The following GRM1 variants were observed in gnomAD, a reference collection of about 807,000 sequenced individuals.
GRM1 encodes the protein metabotropic glutamate receptor 1.
A neutral mutation model predicts 90.9 loss-of-function variants in GRM1; 33 were observed. The observed-to-expected ratio is 0.36, with a 90% CI of 0.28 to 0.49. GRM1 has a LOEUF of 0.49. GRM1 is among the 20% of genes least tolerant of loss of function. The probability of loss-of-function intolerance (pLI) is 0.99; values close to 1 mark genes in which losing one functional copy is unlikely to be tolerated. For synonymous variants in GRM1, 700 were observed against 613.2 expected (o/e 1.14, Z -2.09); for missense variants, 1,190 against 1,534.3 (o/e 0.78, Z 3.75).
chr6:146,347,640 A>T (rs1323954673), intron 3 of GRM1, among the ~76,000 whole-genome samples: 4 of 152,210 alleles, frequency 2.6e-5, no homozygotes, highest in Non-Finnish European at 5.9e-5. Flanking sequence ...GATAAAAAAA[A>T]TTGCTGGGAT....
intron 1 of GRM1, among the ~76,000 whole-genome samples, chr6:146,054,879 C>T (rs1351226016): frequency 6.6e-6 from 1 of 151,758 alleles, no homozygotes; most frequent in Non-Finnish European, 1.5e-5. Flanking sequence ...TTAGTGTCAG[C>T]GACAGTTGTC....
intron 2 of GRM1, among the ~76,000 whole-genome samples, chr6:146,186,095 GT>G (rs111964915): frequency 0.23 from 30,169 of 131,072 alleles, 4,545 homozygotes; most frequent in African/African-American, 0.47. Flanking sequence ...ATTACAGCTG[GT>G]TTTTTTTTTT....
At chr6:146,062,981 T>C (rs558257723) in intron 1 of GRM1, among the ~76,000 whole-genome samples, 293 of 152,330 alleles carry the variant, frequency 1.9e-3, no homozygotes, top group African/African-American at 6.7e-3. Flanking sequence ...TTATGGATCC[T>C]TGCAGGCTAT....
chr6:146,241,952 A>T (rs1401404701), intron 2 of GRM1, among the ~76,000 whole-genome samples: 1 of 152,136 alleles, frequency 6.6e-6, no homozygotes, highest in Non-Finnish European at 1.5e-5. Flanking sequence ...GGGAAGCCTT[A>T]GGCTTCTAAA....
Position 146,411,434 on chromosome 6 carries a change from G to T in GRM1, c.2660+11735G>T, listed in dbSNP as rs1045053557. Among the ~76,000 whole-genome samples the T allele has an allele frequency of 3.3e-5, 5 of 152,170 alleles. 1 individual carries two copies. The highest frequency in any genetic ancestry group is 4.4e-5 in the Non-Finnish European group (3 of 68,042). The stretch of plus-strand genomic sequence containing the variant: ...TGAGACAAGACTGGACAGGCCTCTA[G>T]GGCCAGATTACTTAGAACTAGTTAG... On this transcript the variant is annotated intron_variant, in intron 7 of 7. Transcript: ENST00000282753.
intron 2 of GRM1, among the ~76,000 whole-genome samples, chr6:146,209,052 C>A (rs1026256195): frequency 2.0e-5 from 3 of 152,014 alleles, no homozygotes; most frequent in Admixed American, 2.0e-4. Flanking sequence ...CTATTCCTGA[C>A]AGCAAACCTA....
intron 1 of GRM1, among the ~76,000 whole-genome samples, chr6:146,114,741 G>A (rs758526452): frequency 3.9e-5 from 6 of 152,088 alleles, no homozygotes; most frequent in Non-Finnish European, 5.9e-5. Flanking sequence ...GTGTTTGGGT[G>A]ATGGGGTTAT....
chr6:146,285,310 T>C (rs1583274678), intron 2 of GRM1, among the ~76,000 whole-genome samples: 1 of 152,174 alleles, frequency 6.6e-6, no homozygotes, highest in East Asian at 1.9e-4. Context: ...ACTCTCACCC[T>C]TTCCCGTTAA....
At chr6:146,146,586 A>G (rs1583069509) in intron 1 of GRM1, among the ~76,000 whole-genome samples, 2 of 152,138 alleles carry the variant, frequency 1.3e-5, no homozygotes, top group African/African-American at 4.8e-5. Flanking sequence ...CTCTGAAACT[A>G]TGTTGAAACT....
chr6:146,146,101 A>ATT (rs1316492768), intron 1 of GRM1, among the ~76,000 whole-genome samples: 1 of 29,522 alleles, frequency 3.4e-5, no homozygotes, highest in Admixed American at 4.4e-4. Flanking sequence ...CTACCATTGT[A>ATT]TCTTTTTTTT....
chr6:146,305,679 C>T (rs1019860226), intron 3 of GRM1, among the ~76,000 whole-genome samples: 1 of 152,166 alleles, frequency 6.6e-6, no homozygotes, highest in African/African-American at 2.4e-5. Flanking sequence ...GTGATGGAAT[C>T]TATCCATGAC....
At chr6:146,081,973 G>A (rs550962190) in intron 1 of GRM1, among the ~76,000 whole-genome samples, 5 of 152,304 alleles carry the variant, frequency 3.3e-5, no homozygotes, top group African/African-American at 7.2e-5. Context: ...GGATTTTAGC[G>A]AGTAGAGACG....
intron 3 of GRM1, among the ~76,000 whole-genome samples, chr6:146,325,262 T>C (rs997730371): frequency 1.1e-4 from 17 of 152,194 alleles, no homozygotes; most frequent in African/African-American, 4.1e-4. Context: ...TTATACATAG[T>C]CCACCCAATA....
At chr6:146,251,749 A>G (rs1016859165) in intron 2 of GRM1, among the ~76,000 whole-genome samples, 2 of 152,204 alleles carry the variant, frequency 1.3e-5, no homozygotes, top group East Asian at 1.9e-4. Context: ...TGTCCCTTCA[A>G]TGGCTTCCTA....
intron 3 of GRM1, among the ~76,000 whole-genome samples, chr6:146,348,873 TG>T (rs1343626388): frequency 2.0e-5 from 3 of 152,206 alleles, no homozygotes; most frequent in South Asian, 2.1e-4. Context: ...GCCCCTGCAT[TG>T]CCACTAAGTG....
chr6:146,100,663 G>A (rs974448958), intron 1 of GRM1, among the ~76,000 whole-genome samples: 5 of 152,140 alleles, frequency 3.3e-5, no homozygotes, highest in African/African-American at 1.2e-4. Context: ...TATAGGTCTT[G>A]ATAACTGGGC....
chr6:146,182,171 T>G (rs546480601), intron 2 of GRM1, among the ~76,000 whole-genome samples: 1 of 152,224 alleles, frequency 6.6e-6, no homozygotes, highest in African/African-American at 2.4e-5. Context: ...GAATATAGCT[T>G]AAAAATTATT....
chr6:146,287,387 A>G (rs1782804798), intron 2 of GRM1, among the ~76,000 whole-genome samples: 1 of 152,142 alleles, frequency 6.6e-6, no homozygotes, highest in African/African-American at 2.4e-5. Flanking sequence ...AAATTATTTC[A>G]CCACATTTAG....
In GRM1 at chr6:146,435,177, G is replaced by T. The variant is rs1010266535; in HGVS notation, c.*381G>T. On this transcript the variant is annotated 3_prime_UTR_variant, in exon 8 of 8. Coordinates refer to ENST00000282753, the MANE Select transcript of GRM1 (RefSeq NM_001278064.2). ...TATATGCCCACACACACTGGGCCAT[G>T]CTTGCCAAGGAACAGCCCACGTGGA... 2.8e-6 allele frequency: 1 copy of T among 351,898 alleles called. No homozygotes were observed. Among genetic ancestry groups the T allele is most frequent in the African/African-American group, 2.1e-5 (1 of 47,094 alleles). 21.8% of individuals were successfully genotyped at this position (351,898 alleles called of 1,614,324 possible).
Sources: gnomAD v4.1 joint callset for allele counts (sites outside exome capture counted in the v4.1 genomes callset) on GRCh38, gnomAD v4.1.1 for gene constraint, MANE v1.5 for transcripts, NCBI Gene and HGNC (gene_info 2026-07-23, HGNC 2026-07-21) for gene names.